Variants in MINDY4 observed in about 807,000 individuals in gnomAD.
MINDY4 encodes probable ubiquitin carboxyl-terminal hydrolase MINDY-4.
In MINDY4, 68 loss-of-function variants were observed where a neutral mutation model predicts 87.0. The observed-to-expected ratio is 0.78, with a 90% CI of 0.64 to 0.96. The LOEUF (loss-of-function observed/expected upper bound fraction) is 0.96. Ranked by LOEUF, MINDY4 falls within the 40% of genes least tolerant of loss-of-function variation. The pLI, the probability that MINDY4 is intolerant of heterozygous loss-of-function variation, is 0.00. For missense variants in MINDY4, 919 were observed against 928.2 expected (o/e 0.99, Z 0.13); for synonymous variants, 379 against 363.2 (o/e 1.04, Z -0.50).
intron 17 of MINDY4, among the ~76,000 whole-genome samples, chr7:30,888,203 G>A (rs1043726750): frequency 6.6e-5 from 10 of 152,142 alleles, no homozygotes; most frequent in African/African-American, 2.2e-4. Context: ...CCACCATGAA[G>A]TGCCTTTCTC....
At chr7:30,816,449 G>T (rs1584270173) in intron 5 of MINDY4, among the ~76,000 whole-genome samples, 1 of 152,156 alleles carries the variant, frequency 6.6e-6, no homozygotes, top group African/African-American at 2.4e-5. Context: ...AGGCCTGTCG[G>T]GAGGGACACA....
At position 30,824,307 on chromosome 7, in the gene MINDY4, T is replaced by G. The variant is rs149259781; in HGVS notation, c.1074-4372T>G. ...CTTCTTAGAAAGCCACCAATCCCAC[T>G]CCCATAACAACTTGTTAATTTATGA... On this transcript the variant is annotated intron_variant, in intron 5 of 17. Transcript: ENST00000265299. Among the ~76,000 whole-genome samples the G allele has an allele frequency of 1.9e-3, 290 of 152,226 alleles. 1 individual carries two copies. The highest frequency in any genetic ancestry group is 6.8e-3 in the African/African-American group (283 of 41,534).
intron 6 of MINDY4, among the ~76,000 whole-genome samples, chr7:30,833,855 A>G (rs1387043897): frequency 6.6e-6 from 1 of 152,264 alleles, no homozygotes; most frequent in Non-Finnish European, 1.5e-5. Context: ...CAGGGCAGTC[A>G]AATCTTAAAG....
At chr7:30,891,294 T>G (rs1352210823) in intron 17 of MINDY4, among the ~76,000 whole-genome samples, 2 of 152,204 alleles carry the variant, frequency 1.3e-5, no homozygotes, top group Non-Finnish European at 2.9e-5. Flanking sequence ...AATCAAGTGC[T>G]AGGAAATGTC....
At position 30,771,549 on chromosome 7, in the gene MINDY4, G is replaced by T; in HGVS notation, c.56G>T (p.Ser19Ile). 8.1e-6 allele frequency: 13 copies of T among 1,600,206 alleles called. No individual in the cohort carries two copies. Among genetic ancestry groups the T allele is most frequent in the Non-Finnish European group, 1.1e-5 (13 of 1,174,588 alleles). Reference sequence around the variant, plus strand: ...GCCTCCTTGGTCAGGGAGTTCCTCAGCAGAAAGGTAACGGCTCGCCCCCTC... The same window carrying T: ...GCCTCCTTGGTCAGGGAGTTCCTCATCAGAAAGGTAACGGCTCGCCCCCTC... ...VAASLVREFL[S>I]RKGLKKTCVT... is the part of the protein sequence containing the mutation. The change falls in exon 1 of 18, where the codon AGC (serine) becomes ATC (isoleucine). Residue 19 changes from serine (S) to isoleucine (I), a missense_variant. Ser to Ile is a moderately radical substitution (Grantham distance 142). Transcript: ENST00000265299.
intron 4 of MINDY4, among the ~76,000 whole-genome samples, chr7:30,789,162 AGGACCGGT>A (rs71766343): frequency 0.51 from 76,522 of 150,368 alleles, 19,850 homozygotes; most frequent in African/African-American, 0.58. Context: ...GACTACTCTG[AGGACCGGT>A]GAACCAGAGA....
chr7:30,863,655 G>GA (rs543952839), intron 13 of MINDY4, among the ~76,000 whole-genome samples: 90 of 152,260 alleles, frequency 5.9e-4, no homozygotes, highest in African/African-American at 2.1e-3. Flanking sequence ...ATCATGGACA[G>GA]ATGTAAACCT....
At chr7:30,819,334 T>C (rs1788253288) in intron 5 of MINDY4, among the ~76,000 whole-genome samples, 2 of 152,224 alleles carry the variant, frequency 1.3e-5, no homozygotes, top group Non-Finnish European at 2.9e-5. Context: ...AGAGGAGCTA[T>C]CTCTTTATCA....
intron 9 of MINDY4, among the ~76,000 whole-genome samples, chr7:30,843,471 A>C (rs1341804344): frequency 6.6e-6 from 1 of 152,294 alleles, no homozygotes; most frequent in South Asian, 2.1e-4. Context: ...TTGCTTTTGA[A>C]CTTCACCGTG....
intron 5 of MINDY4, among the ~76,000 whole-genome samples, chr7:30,797,818 G>T (rs541014373): frequency 7.2e-4 from 109 of 152,336 alleles, no homozygotes; most frequent in African/African-American, 2.4e-3. Flanking sequence ...GGCAACTGCA[G>T]TAGTAGAAGA....
chr7:30,818,037 C>T (rs1339453593), intron 5 of MINDY4, among the ~76,000 whole-genome samples: 1 of 152,188 alleles, frequency 6.6e-6, no homozygotes, highest in Non-Finnish European at 1.5e-5. Flanking sequence ...CTGACTCTAG[C>T]AGGGATGCTT....
intron 13 of MINDY4, among the ~76,000 whole-genome samples, chr7:30,867,906 G>A (rs965450673): frequency 6.6e-6 from 1 of 152,098 alleles, no homozygotes; most frequent in Non-Finnish European, 1.5e-5. Flanking sequence ...GCACATCCTA[G>A]GAGGCCCCTA....
rs923038600 is a variant in MINDY4 at position 30,781,990 on chromosome 7, C to T, written c.197C>T (p.Pro66Leu). 6.2e-7 allele frequency: 1 copy of T among 1,612,494 alleles called. No homozygotes were observed. Among genetic ancestry groups the T allele is most frequent in the Non-Finnish European group, 8.5e-7 (1 of 1,179,412 alleles). Residue 66 changes from proline to leucine, a missense_variant, in exon 3 of 18, where the codon CCT becomes CTT. Physicochemically the swap from Pro to Leu is moderately conservative, Grantham distance 98 (BLOSUM62 -3). Transcript: ENST00000265299. ...LYKENKAKEN[P>L]LKTSLELITR... ...TCCCAATGATAGGCAAAGGAAAATCCTCTAAAAACAAGCCTTGAACTCATC... is the reference window on the plus strand; with the variant it reads ...TCCCAATGATAGGCAAAGGAAAATCTTCTAAAAACAAGCCTTGAACTCATC...
At chr7:30,776,968 T>TTTCTTTTCTTTTCTTTC (rs1698690457) in intron 1 of MINDY4, among the ~76,000 whole-genome samples, 1 of 29,068 alleles carries the variant, frequency 3.4e-5, no homozygotes, top group African/African-American at 8.3e-4. Context: ...CCCAATGGTA[T>TTTCTTTTCTTTTCTTTC]TTCTTTTCTT....
intron 3 of MINDY4, among the ~76,000 whole-genome samples, chr7:30,783,556 A>C (rs922969477): frequency 6.6e-6 from 1 of 152,206 alleles, no homozygotes; most frequent in African/African-American, 2.4e-5. Flanking sequence ...CACTCATGCA[A>C]AAATTTAAAA....
At chr7:30,775,078 A>G (rs1282551451) in intron 1 of MINDY4, among the ~76,000 whole-genome samples, 3 of 152,136 alleles carry the variant, frequency 2.0e-5, no homozygotes, top group African/African-American at 4.8e-5. Flanking sequence ...CACCAAATGT[A>G]TGGGGATTTT....
chr7:30,860,764 A>AGCTTCATGTTG (rs1789735138), intron 13 of MINDY4, among the ~76,000 whole-genome samples: 1 of 152,068 alleles, frequency 6.6e-6, no homozygotes, highest in Non-Finnish European at 1.5e-5. Context: ...TCAGGGTTCC[A>AGCTTCATGTTG]TGCCCAGGCC....
intron 1 of MINDY4, among the ~76,000 whole-genome samples, chr7:30,776,990 TC>T (rs1352670051): frequency 1.3e-5 from 2 of 152,014 alleles, no homozygotes; most frequent in Non-Finnish European, 2.9e-5. Flanking sequence ...TCTTTCCTTT[TC>T]TTCTTTCTTT....
At chr7:30,802,702 G>A (rs561755984) in intron 5 of MINDY4, among the ~76,000 whole-genome samples, 2 of 152,302 alleles carry the variant, frequency 1.3e-5, no homozygotes, top group South Asian at 4.1e-4. Flanking sequence ...TAGTTTGCCT[G>A]TTGGCATTCA....
Sources: gnomAD v4.1 joint callset for allele counts (sites outside exome capture counted in the v4.1 genomes callset) on GRCh38, gnomAD v4.1.1 for gene constraint, MANE v1.5 for transcripts, NCBI Gene and HGNC (gene_info 2026-07-23, HGNC 2026-07-21) for gene names.